The following BLNK variants were observed in gnomAD, a reference collection of about 807,000 sequenced individuals.
The protein encoded by BLNK is B cell linker.
A neutral mutation model predicts 73.5 loss-of-function variants in BLNK; 29 were observed. The ratio of observed to expected loss-of-function variants is 0.39; its 90% CI spans 0.29 to 0.54. The LOEUF (loss-of-function observed/expected upper bound fraction) is 0.54, where lower values mean the gene tolerates loss of function less well. Ranked by LOEUF, BLNK falls within the 20% of genes least tolerant of loss-of-function variation. The pLI, the probability that BLNK is intolerant of heterozygous loss-of-function variation, is 0.61. For synonymous variants in BLNK, 176 were observed against 200.8 expected, an observed-to-expected ratio of 0.88 and a Z score of 1.04; for missense variants, 460 against 562.8, an observed-to-expected ratio of 0.82 and a Z score of 1.85.
At chr10:96,269,124 T>C (rs1554914922) in intron 1 of BLNK, among the ~76,000 whole-genome samples, 1 of 152,248 alleles carries the variant, frequency 6.6e-6, no homozygotes, top group African/African-American at 2.4e-5. Flanking sequence ...CAGTACATTT[T>C]ACCACAACAG....
At chr10:96,232,332 T>C in intron 3 of BLNK, among the ~76,000 whole-genome samples, 1 of 135,324 alleles carries the variant, frequency 7.4e-6, no homozygotes, top group Non-Finnish European at 1.7e-5. Flanking sequence ...GAGTAGCCAC[T>C]GCCACAGAGG....
At chr10:96,233,090 G>A (rs1554904381) in intron 3 of BLNK, among the ~76,000 whole-genome samples, 1 of 152,194 alleles carries the variant, frequency 6.6e-6, no homozygotes, top group African/African-American at 2.4e-5. Flanking sequence ...ACAGGCATAA[G>A]CCACTGCATC....
intron 4 of BLNK, among the ~76,000 whole-genome samples, chr10:96,229,292 G>A (rs1476290401): frequency 6.8e-6 from 1 of 147,086 alleles, no homozygotes; most frequent in Non-Finnish European, 1.5e-5. Context: ...CCGTCTTTAT[G>A]AGTTCAAGTG....
At chr10:96,238,573 T>G (rs1371076284) in intron 3 of BLNK, among the ~76,000 whole-genome samples, 1 of 152,188 alleles carries the variant, frequency 6.6e-6, no homozygotes, top group South Asian at 2.1e-4. Context: ...GGCTGATTTC[T>G]GAGGCCCTGG....
At chr10:96,201,095 A>G (rs2083621081) in intron 13 of BLNK, 37 bp from the exon 14 acceptor site, 5 of 1,560,816 alleles carry the variant, frequency 3.2e-6, no homozygotes, top group Non-Finnish European at 4.4e-6. Context: ...ATTAATCTTC[A>G]TATTTCTTGA....
chr10:96,207,841 T>C (rs964375817), intron 10 of BLNK, 31 bp downstream of exon 10: 2 of 1,612,602 alleles, frequency 1.2e-6, no homozygotes, highest in Non-Finnish European at 1.7e-6. Context: ...GCAGGAAATA[T>C]GAAGCACTTT....
chr10:96,237,135 C>T (rs1554905230), intron 3 of BLNK, among the ~76,000 whole-genome samples: 2 of 152,188 alleles, frequency 1.3e-5, no homozygotes, highest in Non-Finnish European at 2.9e-5. Flanking sequence ...ATATAGCTCT[C>T]CCATGTCAGC....
chr10:96,200,089 G>A lies in BLNK; in HGVS notation c.1081C>T (p.His361Tyr). Residue 361 changes from histidine (H) to tyrosine (Y), a missense_variant, in exon 15 of 17, where the codon CAC (histidine) becomes TAC (tyrosine). Physicochemically the swap from His to Tyr is moderately conservative, Grantham distance 83. Transcript: ENST00000224337. The surrounding 1 kb of genome is among the most constrained non-coding windows in gnomAD (Gnocchi z 4.3). The part of the protein sequence containing the change: ...CDRKSAEEAL[H>Y]RSNKDGSFLI... ...AATGATCAGACCTTGTTTGATCTGT[G>A]CAATGCCTCTTCAGCAGACTTTCGA... 2 of 1,613,476 alleles carry A rather than the reference G, an allele frequency of 1.2e-6. No homozygotes were observed. Among genetic ancestry groups the A allele is most frequent in the Non-Finnish European group, 1.7e-6 (2 of 1,179,532 alleles).
intron 2 of BLNK, among the ~76,000 whole-genome samples, chr10:96,246,061 G>A (rs1417891830): frequency 2.6e-5 from 4 of 151,714 alleles, no homozygotes; most frequent in African/African-American, 9.7e-5. Context: ...TACCTACTAA[G>A]GTATATAAGA....
Position 96,190,324 on chromosome 10 carries a change from C to G in BLNK, c.*1649G>C. On this transcript the variant is annotated 3_prime_UTR_variant, in exon 17 of 17. Transcript: ENST00000224337. ...ATGGAATCACGCCAGTAGTATTGTT[C>G]CTGTGTGTCTCTTCATATAGTCTTC... 3.5e-6 allele frequency: 2 copies of G among 579,202 alleles called. No individual in the cohort carries two copies. Among genetic ancestry groups the G allele is most frequent in the Non-Finnish European group, 6.3e-6 (2 of 318,950 alleles). The allele number at this position is 579,202 out of a possible 1,614,324, so 35.9% of individuals were successfully genotyped here.
intron 6 of BLNK, among the ~76,000 whole-genome samples, chr10:96,223,156 G>A (rs1245437665): frequency 6.6e-6 from 1 of 152,162 alleles, no homozygotes; most frequent in Non-Finnish European, 1.5e-5. Context: ...AGGCAAGAAT[G>A]CTTCAAGGGA....
At chr10:96,203,969 CAGTGCTGTGTT>C in intron 13 of BLNK, 77 bp downstream of exon 13, 2 of 1,086,336 alleles carry the variant, frequency 1.8e-6, no homozygotes, top group Non-Finnish European at 1.4e-6. Context: ...CTGGAAGCGA[CAGTGCTGTGTT>C]AGAACCCAGG....
chr10:96,199,758 G>T (rs1464355562), intron 15 of BLNK, among the ~76,000 whole-genome samples: 7 of 152,188 alleles, frequency 4.6e-5, no homozygotes, highest in Admixed American at 4.6e-4. Flanking sequence ...GGTGGCTCAC[G>T]TCTGTAATCC....
chr10:96,217,197 T>A (rs2084088182), intron 6 of BLNK, among the ~76,000 whole-genome samples: 2 of 152,198 alleles, frequency 1.3e-5, no homozygotes, highest in Non-Finnish European at 2.9e-5. Flanking sequence ...GTATGCCACA[T>A]TTGTTTATCC....
intron 1 of BLNK, among the ~76,000 whole-genome samples, chr10:96,267,625 C>T (rs1844068894): frequency 6.6e-6 from 1 of 152,194 alleles, no homozygotes; most frequent in African/African-American, 2.4e-5. Context: ...ACACCCACAG[C>T]AGGGTTCTGT....
chr10:96,252,883 G>C (rs932375740), intron 1 of BLNK, among the ~76,000 whole-genome samples: 1 of 152,038 alleles, frequency 6.6e-6, no homozygotes, highest in Non-Finnish European at 1.5e-5. Flanking sequence ...ACTAAGACTC[G>C]ACCTCATCCC....
chr10:96,227,700 G>C (rs1591330018), intron 4 of BLNK, 134 bp from the exon 5 acceptor site: 125 of 1,391,354 alleles, frequency 9.0e-5, no homozygotes, highest in Non-Finnish European at 7.0e-6. Context: ...AAAAGGCTAG[G>C]CAGCCGATAA....
intron 1 of BLNK, 130 bp downstream of exon 1, chr10:96,271,222 T>A: frequency 9.6e-7 from 1 of 1,041,426 alleles, no homozygotes; most frequent in Non-Finnish European, 1.5e-6. Flanking sequence ...TCAGTCCACT[T>A]CCCTATAGTA....
At chr10:96,215,411 GT>G (rs2084041886) in intron 7 of BLNK, 22 bp from the exon 8 acceptor site, 3 of 1,402,514 alleles carry the variant, frequency 2.1e-6, no homozygotes, top group Non-Finnish European at 3.0e-6. Context: ...AAATGTGTGT[GT>G]ATATATATAT....
Sources: gnomAD v4.1 joint callset for allele counts (sites outside exome capture counted in the v4.1 genomes callset) on GRCh38, gnomAD v4.1.1 for gene constraint, Gnocchi (gnomAD v3.1) non-coding constraint, MANE v1.5 for transcripts, NCBI Gene and HGNC (gene_info 2026-07-23, HGNC 2026-07-21) for gene names.